The following CBFA2T3 variants were observed in gnomAD, a reference collection of about 807,000 sequenced individuals.
CBFA2T3 encodes the protein transcriptional corepressor CBFA2T3.
In CBFA2T3, 31 loss-of-function variants were observed where a neutral mutation model predicts 58.6. The observed-to-expected ratio is 0.53, with a 90% CI of 0.40 to 0.71. The LOEUF (loss-of-function observed/expected upper bound fraction) is 0.71. CBFA2T3 is among the 30% of genes least tolerant of loss of function. The probability of loss-of-function intolerance (pLI) is 0.00; values close to 1 mark genes in which losing one functional copy is unlikely to be tolerated. For synonymous variants in CBFA2T3, 531 were observed against 421.9 expected (o/e 1.26, Z -3.17); for missense variants, 1,076 against 963.1 (o/e 1.12, Z -1.55).
At chr16:88,961,075 T>A (rs1369496252) in intron 1 of CBFA2T3, among the ~76,000 whole-genome samples, 1 of 152,222 alleles carries the variant, frequency 6.6e-6, no homozygotes, top group Non-Finnish European at 1.5e-5. Context: ...GGTCTCGCTG[T>A]GGGCAGGTGG....
intron 1 of CBFA2T3, among the ~76,000 whole-genome samples, chr16:88,972,186 C>T (rs1972672273): frequency 6.6e-6 from 1 of 152,140 alleles, no homozygotes; most frequent in Non-Finnish European, 1.5e-5. Context: ...GCCACTGAGG[C>T]CTCAGGGAAG....
chr16:88,877,409 C>T (rs1016574386), intron 11 of CBFA2T3, 134 bp from the exon 12 acceptor site: 19 of 711,452 alleles, frequency 2.7e-5, no homozygotes, highest in Non-Finnish European at 3.6e-5. Flanking sequence ...GCCCCACAGC[C>T]CTCGGGCCAT....
chr16:88,891,311 C>T (rs72813600), intron 5 of CBFA2T3, among the ~76,000 whole-genome samples: 5 of 152,112 alleles, frequency 3.3e-5, no homozygotes, highest in African/African-American at 9.6e-5. Flanking sequence ...GAAAACCCTG[C>T]GCTGGCTCTG....
Position 88,962,807 on chromosome 16 carries a change from C to G in CBFA2T3, c.151+13850G>C, listed in dbSNP as rs975090340. 3.3e-4 allele frequency among the ~76,000 whole-genome samples: 51 copies of G among 152,338 alleles called. 1 individual carries two copies. Among genetic ancestry groups the G allele is most frequent in the Non-Finnish European group, 4.4e-5 (3 of 68,030 alleles). ...CTGCTGCTGCTTTCTCGTCTGTGCC[C>G]CGAACCCTGGAGATGAGGGGCGCTG... is the stretch of plus-strand genomic sequence containing the variant. On this transcript the variant is annotated intron_variant, in intron 1 of 11. Transcript: ENST00000268679.
At chr16:88,894,624 C>T (rs1247288234) in intron 3 of CBFA2T3, among the ~76,000 whole-genome samples, 1 of 152,224 alleles carries the variant, frequency 6.6e-6, no homozygotes, top group Non-Finnish European at 1.5e-5. Flanking sequence ...TGCACACACA[C>T]ATGCACGGCT....
At chr16:88,933,886 C>T (rs980199967) in intron 1 of CBFA2T3, among the ~76,000 whole-genome samples, 5 of 152,062 alleles carry the variant, frequency 3.3e-5, no homozygotes, top group African/African-American at 1.2e-4. Context: ...ACAAGACCGG[C>T]ACGAGGAGGA....
chr16:88,905,744 A>T (rs985560946), intron 1 of CBFA2T3, among the ~76,000 whole-genome samples: 1 of 6,072 alleles, frequency 1.6e-4, no homozygotes, highest in African/African-American at 6.4e-4. Flanking sequence ...GCGGGACTGG[A>T]GGGGCGGGGC....
intron 1 of CBFA2T3, among the ~76,000 whole-genome samples, chr16:88,947,720 C>T (rs1220302637): frequency 6.6e-6 from 1 of 152,096 alleles, no homozygotes; most frequent in Non-Finnish European, 1.5e-5. Flanking sequence ...TCAAGACCAG[C>T]CTGGGCAACA....
intron 1 of CBFA2T3, among the ~76,000 whole-genome samples, chr16:88,967,479 C>T (rs1597799037): frequency 6.6e-6 from 1 of 152,036 alleles, no homozygotes; most frequent in Non-Finnish European, 1.5e-5. Context: ...TGCTATTGCC[C>T]CATTTACCGA....
chr16:88,922,292 C>T (rs953759810), intron 1 of CBFA2T3, among the ~76,000 whole-genome samples: 3 of 152,246 alleles, frequency 2.0e-5, no homozygotes, highest in Admixed American at 2.0e-4. Flanking sequence ...CCTGGCTGGG[C>T]TCTCAGAGCC....
chr16:88,884,988 G>A (rs953326394), intron 7 of CBFA2T3, 58 bp downstream of exon 7: 55 of 1,320,414 alleles, frequency 4.2e-5, no homozygotes, highest in African/African-American at 2.9e-4. Flanking sequence ...GTGTACATGT[G>A]GGCGCATGTG....
chr16:88,907,856 A>G (rs1306748758), intron 1 of CBFA2T3, among the ~76,000 whole-genome samples: 1 of 152,246 alleles, frequency 6.6e-6, no homozygotes, highest in Non-Finnish European at 1.5e-5. Flanking sequence ...CTCTGGACAC[A>G]GTGCGCCCCT....
At chr16:88,898,728 G>C (rs1400154901) in intron 2 of CBFA2T3, among the ~76,000 whole-genome samples, 3 of 152,316 alleles carry the variant, frequency 2.0e-5, no homozygotes, top group African/African-American at 7.2e-5. Context: ...GCACCAAACA[G>C]GAAGAAAGAT....
At chr16:88,914,330 C>T (rs115258647) in intron 1 of CBFA2T3, among the ~76,000 whole-genome samples, 2,684 of 152,318 alleles carry the variant, frequency 0.018, 51 homozygotes, top group African/African-American at 0.044. Flanking sequence ...AAACGTTTGT[C>T]AGGCCCATAG....
At chr16:88,888,382 C>A (rs902722793) in intron 5 of CBFA2T3, among the ~76,000 whole-genome samples, 1 of 138,610 alleles carries the variant, frequency 7.2e-6, no homozygotes, top group Non-Finnish European at 1.6e-5. Flanking sequence ...GGGGTCACTC[C>A]CACTCGGCAC....
chr16:88,908,261 C>T (rs1201768290), intron 1 of CBFA2T3, among the ~76,000 whole-genome samples: 1 of 151,936 alleles, frequency 6.6e-6, no homozygotes, highest in Non-Finnish European at 1.5e-5. Flanking sequence ...AGAATTACTT[C>T]AGCCTGGAAG....
chr16:88,886,178 A>C, intron 5 of CBFA2T3, 36 bp from the exon 6 acceptor site: 1 of 1,464,122 alleles, frequency 6.8e-7, no homozygotes, highest in Non-Finnish European at 9.1e-7. Flanking sequence ...GGTAGCATGC[A>C]GGGGTGCACA....
chr16:88,928,601 C>T (rs949329060), intron 1 of CBFA2T3, among the ~76,000 whole-genome samples: 3 of 152,242 alleles, frequency 2.0e-5, no homozygotes, highest in African/African-American at 7.2e-5. Flanking sequence ...GGCGCTGTCA[C>T]CCGCCAGGTG....
At chr16:88,946,416 AG>A (rs1362420691) in intron 1 of CBFA2T3, among the ~76,000 whole-genome samples, 1 of 152,246 alleles carries the variant, frequency 6.6e-6, no homozygotes, top group Non-Finnish European at 1.5e-5. Context: ...AAATGATGGA[AG>A]TAGTAAAAAG....
Sources: gnomAD v4.1 joint callset for allele counts (sites outside exome capture counted in the v4.1 genomes callset) on GRCh38, gnomAD v4.1.1 for gene constraint, MANE v1.5 for transcripts, NCBI Gene and HGNC (gene_info 2026-07-23, HGNC 2026-07-21) for gene names.